SNTG1: variants seen among roughly 807,000 people sequenced by gnomAD.
SNTG1 encodes the protein syntrophin gamma 1.
In SNTG1, 39 loss-of-function variants were observed where a neutral mutation model predicts 74.7. The ratio of observed to expected loss-of-function variants is 0.52; its 90% CI spans 0.40 to 0.68. The LOEUF is 0.68. Ranked by LOEUF, SNTG1 falls within the 30% of genes least tolerant of loss-of-function variation. SNTG1 has a pLI of 0.00. For missense variants in SNTG1, 685 were observed against 609.5 expected (o/e 1.12, Z -1.30); for synonymous variants, 254 against 217.1 (o/e 1.17, Z -1.49).
At chr8:50,038,197 T>C (rs1818324335) in intron 1 of SNTG1, among the ~76,000 whole-genome samples, 2 of 152,104 alleles carry the variant, frequency 1.3e-5, no homozygotes. Flanking sequence ...CAATCACTCT[T>C]TTCCACCCTT....
chr8:50,435,132 C>CT (rs2093287543), intron 4 of SNTG1, among the ~76,000 whole-genome samples: 1 of 151,988 alleles, frequency 6.6e-6, no homozygotes, highest in Admixed American at 6.6e-5. Context: ...TAATACAAGG[C>CT]TTTTTTTGTA....
At chr8:50,039,944 A>C (rs1163207875) in intron 1 of SNTG1, among the ~76,000 whole-genome samples, 1 of 152,166 alleles carries the variant, frequency 6.6e-6, no homozygotes, top group East Asian at 1.9e-4. Flanking sequence ...GCCCTAGTGC[A>C]CATGATGTCG....
intron 2 of SNTG1, among the ~76,000 whole-genome samples, chr8:50,334,212 T>C (rs1181897761): frequency 6.6e-6 from 1 of 152,162 alleles, no homozygotes; most frequent in Non-Finnish European, 1.5e-5. Context: ...CACATTTTTC[T>C]AAATCAAGCA....
chr8:50,025,662 T>A (rs1051441551), intron 1 of SNTG1, among the ~76,000 whole-genome samples: 104 of 152,266 alleles, frequency 6.8e-4, no homozygotes, highest in African/African-American at 2.5e-3. Flanking sequence ...ATTTCAAATG[T>A]TGAGGAAAAT....
chr8:50,265,126 T>C (rs948962723), intron 2 of SNTG1, among the ~76,000 whole-genome samples: 4 of 152,216 alleles, frequency 2.6e-5, no homozygotes, highest in Admixed American at 2.0e-4. Context: ...TCCTAACTCA[T>C]TCTGTGAGGT....
At chr8:50,296,093 C>A (rs1321818249) in intron 2 of SNTG1, among the ~76,000 whole-genome samples, 1 of 151,948 alleles carries the variant, frequency 6.6e-6, no homozygotes, top group East Asian at 1.9e-4. Flanking sequence ...TCACAGCTCC[C>A]CAGGAGAGAT....
chr8:50,778,593 C>A lies in SNTG1; in HGVS notation c.1396-14078C>A, dbSNP rs534949940. 7.2e-5 allele frequency among the ~76,000 whole-genome samples: 11 copies of A among 151,910 alleles called. No homozygotes were observed. The East Asian group carries it at 1.9e-3, about 27-fold the overall frequency. ...AATTTGTTTGAGTTCATAGTAGATT[C>A]TGGATATTAGCCCTCTGTCAGATGA... On this transcript the variant is annotated intron_variant, in intron 18 of 18. Transcript: ENST00000642720.
intron 18 of SNTG1, among the ~76,000 whole-genome samples, chr8:50,783,312 G>A (rs937820317): frequency 6.6e-6 from 1 of 152,202 alleles, no homozygotes; most frequent in African/African-American, 2.4e-5. Context: ...GGAGCCTATA[G>A]AGGCAGGCAG....
intron 1 of SNTG1, among the ~76,000 whole-genome samples, chr8:49,933,075 T>C (rs1807742110): frequency 6.6e-6 from 1 of 152,202 alleles, no homozygotes; most frequent in Admixed American, 6.5e-5. Context: ...CTAAAGCTGC[T>C]GTTAACATTC....
intron 17 of SNTG1, among the ~76,000 whole-genome samples, chr8:50,740,036 C>A (rs2095539154): frequency 6.6e-6 from 1 of 152,012 alleles, no homozygotes; most frequent in Non-Finnish European, 1.5e-5. Flanking sequence ...ACAGCCTAGG[C>A]AATACCATTC....
intron 2 of SNTG1, among the ~76,000 whole-genome samples, chr8:50,251,839 A>T (rs2086660129): frequency 6.6e-6 from 1 of 152,098 alleles, no homozygotes; most frequent in African/African-American, 2.4e-5. Context: ...CAACAGACTC[A>T]AACTATACGA....
intron 9 of SNTG1, among the ~76,000 whole-genome samples, chr8:50,521,181 A>G (rs1197340709): frequency 2.0e-5 from 3 of 152,086 alleles, no homozygotes; most frequent in Non-Finnish European, 4.4e-5. Context: ...AGAAAACCAA[A>G]CACCAGGTTC....
At chr8:50,282,221 C>T (rs2088501590) in intron 2 of SNTG1, among the ~76,000 whole-genome samples, 1 of 152,130 alleles carries the variant, frequency 6.6e-6, no homozygotes, top group African/African-American at 2.4e-5. Context: ...TCCAACCCCA[C>T]AGTAAACTTC....
rs73677515 is a variant in SNTG1, at chr8:50,773,189, A to G, written c.1396-19482A>G. On this transcript the variant is annotated intron_variant, in intron 18 of 18. Transcript: ENST00000642720. ...TAAGTATTTAACAATCAACAGTTTA[A>G]GATCACACCTACTTGAATTGGCAAT... 5.2e-3 allele frequency among the ~76,000 whole-genome samples: 798 copies of G among 152,238 alleles called. 5 individuals are homozygous for G. The highest frequency in any genetic ancestry group is 0.018 in the African/African-American group (766 of 41,568).
intron 9 of SNTG1, among the ~76,000 whole-genome samples, chr8:50,525,608 T>G (rs1257297015): frequency 6.6e-6 from 1 of 151,994 alleles, no homozygotes; most frequent in East Asian, 1.9e-4. Flanking sequence ...TTGAATTCAC[T>G]TTTTCTTCTG....
At chr8:50,612,937 G>A (rs898049135) in intron 13 of SNTG1, among the ~76,000 whole-genome samples, 4 of 152,028 alleles carry the variant, frequency 2.6e-5, no homozygotes, top group African/African-American at 9.7e-5. Flanking sequence ...TTCTTCGGTG[G>A]TTAAAGAAAT....
At chr8:50,492,390 C>A (rs1018014023) in intron 8 of SNTG1, among the ~76,000 whole-genome samples, 1 of 152,168 alleles carries the variant, frequency 6.6e-6, no homozygotes, top group African/African-American at 2.4e-5. Context: ...TCCACATCCT[C>A]TCCGGCATCT....
At chr8:50,422,270 A>ATCTATCTATCTATCTATCTAT (rs61696608) in intron 4 of SNTG1, among the ~76,000 whole-genome samples, 1 of 151,582 alleles carries the variant, frequency 6.6e-6, no homozygotes, top group African/African-American at 2.4e-5. Flanking sequence ...CTATCTATCT[A>ATCTATCTATCTATCTATCTAT]CTATCTATCT....
At chr8:50,442,835 G>A (rs1306935827) in intron 5 of SNTG1, among the ~76,000 whole-genome samples, 2 of 152,078 alleles carry the variant, frequency 1.3e-5, no homozygotes, top group Non-Finnish European at 2.9e-5. Context: ...CTGTTCTCAG[G>A]CAGAAACTGC....
Sources: gnomAD v4.1 joint callset for allele counts (sites outside exome capture counted in the v4.1 genomes callset) on GRCh38, gnomAD v4.1.1 for gene constraint, MANE v1.5 for transcripts, NCBI Gene and HGNC (gene_info 2026-07-23, HGNC 2026-07-21) for gene names.